SRPRA: variants seen among roughly 807,000 people sequenced by gnomAD.
SRPRA encodes the protein SRP receptor subunit alpha, also known as signal recognition particle receptor subunit alpha.
SRPRA carries 30 observed loss-of-function variants against 61.1 expected under a neutral mutation model. That is an observed-to-expected ratio of 0.49 (90% CI 0.37 to 0.67). The LOEUF is 0.67. Among genes scored for constraint, SRPRA ranks in the 30% least tolerant of loss-of-function variants. The pLI is 0.00. For missense variants in SRPRA, 759 were observed against 828.4 expected, an observed-to-expected ratio of 0.92 and a Z score of 1.03; for synonymous variants, 324 against 299.7, an observed-to-expected ratio of 1.08 and a Z score of -0.84.
At chr11:126,247,048 C>A in the SRPRA span, among the ~76,000 whole-genome samples, 88 of 152,310 alleles carry the variant, frequency 5.8e-4, no homozygotes, top group African/African-American at 2.0e-3. Flanking sequence ...GTCCCACCTA[C>A]ACAGGAGGCT....
At position 126,264,938 on chromosome 11, in the gene SRPRA, C is replaced by G; in HGVS notation, c.1525+21G>C. The G allele has an allele frequency of 6.2e-7, 1 of 1,604,210 alleles. No homozygotes were observed. Among genetic ancestry groups the G allele is most frequent in the Non-Finnish European group, 8.5e-7 (1 of 1,175,206 alleles). ...GAAAAAGGGACCCCAAATAAGCCCC[C>G]ACACTTCCCATGCACTGTACCAAAA... On this transcript the variant is annotated intron_variant, in intron 11 of 13. Coordinates refer to ENST00000332118, the MANE Select transcript of SRPRA (RefSeq NM_003139.4). The surrounding 1 kb of genome is among the most constrained non-coding windows in gnomAD (Gnocchi z 5.0).
At position 126,264,719 on chromosome 11, in the gene SRPRA, A is replaced by G. The variant is rs1419333322; in HGVS notation, c.1526-180T>C. The G allele has an allele frequency of 1.2e-5, 10 of 827,450 alleles. No individual in the cohort carries two copies. Among genetic ancestry groups the G allele is most frequent in the Non-Finnish European group, 1.8e-5 (10 of 544,446 alleles). The allele number at this position is 827,450 out of a possible 1,614,324, so 51.3% of individuals were successfully genotyped here. ...TGGCCATCACCAAACATATTCAGGA[A>G]AAGGAGGACAACAGGATGAAGGTGA... On this transcript the variant is annotated intron_variant, in intron 11 of 13. Coordinates refer to ENST00000332118, the MANE Select transcript of SRPRA (RefSeq NM_003139.4). This position sits in a 1 kb window ranked among gnomAD's most constrained non-coding sequence, Gnocchi z 5.0.
intron 1 of SRPRA, 38 bp from the exon 2 acceptor site, chr11:126,268,124 C>A: frequency 6.3e-7 from 1 of 1,596,242 alleles, no homozygotes; most frequent in Non-Finnish European, 8.6e-7. Context: ...AGACTATCCC[C>A]AGAAAACCCA....
At position 126,266,359 on chromosome 11, in the gene SRPRA, A is replaced by G; in HGVS notation, c.841-81T>C. 5 of 1,593,062 alleles carry G rather than the reference A, an allele frequency of 3.1e-6. 1 individual carries two copies. The South Asian group carries it at 5.5e-5, about 18-fold the overall frequency. On this transcript the variant is annotated intron_variant, in intron 6 of 13. Transcript: ENST00000332118. ...ACGTCCACATTGCTCTATCTCTTTCATTTTGGGAAGCTCCAAGTATAACTT... is the reference window on the plus strand; with the variant it reads ...ACGTCCACATTGCTCTATCTCTTTCGTTTTGGGAAGCTCCAAGTATAACTT...
chr11:126,259,987 T>A (rs1457790872), downstream of SRPRA, among the ~76,000 whole-genome samples: 3 of 152,198 alleles, frequency 2.0e-5, no homozygotes, highest in African/African-American at 7.2e-5. Flanking sequence ...CCCAAAGTGC[T>A]GGGATTACAG....
chr11:126,260,352 G>A (rs1565342549), downstream of SRPRA: 1 of 151,328 alleles, frequency 6.6e-6, no homozygotes, highest in Non-Finnish European at 1.5e-5. Flanking sequence ...TTCTGATGAA[G>A]TTTTCCCTGT....
At chr11:126,245,063 CCCAT>C in the SRPRA span, 5 of 152,312 alleles carry the variant, frequency 3.3e-5, no homozygotes, top group East Asian at 7.7e-4. Flanking sequence ...CACCTGTAGT[CCCAT>C]CTACTTGGGA....
the SRPRA span, among the ~76,000 whole-genome samples, chr11:126,246,553 C>G: frequency 6.6e-6 from 1 of 152,150 alleles, no homozygotes; most frequent in African/African-American, 2.4e-5. Context: ...ATAGTTGATG[C>G]ACTAGAAATG....
downstream of SRPRA, among the ~76,000 whole-genome samples, chr11:126,260,096 G>A (rs895979341): frequency 6.6e-6 from 1 of 151,798 alleles, no homozygotes; most frequent in Non-Finnish European, 1.5e-5. Flanking sequence ...CAATGGCACA[G>A]TCATGGCTCA....
Position 126,267,041 on chromosome 11 carries a change from G to C in SRPRA, c.527-119C>G. ...GGACCAAACATCTTGGAGTTCATAA[G>C]GCCTGGGGATTATAGGATGGTGACC... is the stretch of plus-strand genomic sequence containing the variant. On this transcript the variant is annotated intron_variant, in intron 4 of 13. Coordinates refer to ENST00000332118, the MANE Select transcript of SRPRA (RefSeq NM_003139.4). This position sits in a 1 kb window ranked among gnomAD's most constrained non-coding sequence, Gnocchi z 4.2. 6.6e-7 allele frequency: 1 copy of C among 1,524,748 alleles called. No homozygotes were observed. The highest frequency in any genetic ancestry group is 8.8e-7 in the Non-Finnish European group (1 of 1,132,152). 94.5% of individuals were successfully genotyped at this position (1,524,748 alleles called of 1,614,324 possible).
downstream of SRPRA, among the ~76,000 whole-genome samples, chr11:126,258,959 A>G (rs1372021912): frequency 6.6e-6 from 1 of 152,196 alleles, no homozygotes; most frequent in Non-Finnish European, 1.5e-5. Context: ...AAATTCTTTT[A>G]TTAGCTGTGT....
In SRPRA at chr11:126,266,104, A is replaced by G. The variant is rs758986474; in HGVS notation, c.933-23T>C. 2.5e-6 allele frequency: 4 copies of G among 1,613,148 alleles called. No individual in the cohort carries two copies. The African/African-American group carries it at 4.0e-5, about 16-fold the overall frequency. On this transcript the variant is annotated intron_variant, in intron 7 of 13. Coordinates refer to ENST00000332118, the MANE Select transcript of SRPRA (RefSeq NM_003139.4). ...GCACTGCAGGGACAGGAGATTACAC[A>G]TACACATAAAACCAGTAGGCAGGAG...
Position 126,267,309 on chromosome 11 carries a change from C to G in SRPRA, c.392G>C (p.Arg131Pro), listed in dbSNP as rs1286842449. 1 of 1,613,988 alleles carries G rather than the reference C, an allele frequency of 6.2e-7. No individual in the cohort carries two copies. Among genetic ancestry groups the G allele is most frequent in the Admixed American group, 1.7e-5 (1 of 59,992 alleles). Residue 131 changes from arginine (R) to proline (P), a missense_variant, in exon 4 of 14, where the codon CGT becomes CCT. Arg to Pro is a moderately radical substitution (Grantham distance 103). Transcript: ENST00000332118. The surrounding 1 kb of genome is among the most constrained non-coding windows in gnomAD (Gnocchi z 4.2). Reference protein sequence around the residue: ...LREAEESSKIRAPTTMKKFED... With the variant: ...LREAEESSKIPAPTTMKKFED... ...AAATTTCTTCATGGTAGTGGGAGCA[C>G]GGATCTTACTGCTCTCCTCTGCTTC...
chr11:126,265,394 C>T lies in SRPRA; in HGVS notation c.1185G>A (p.Gln395=), dbSNP rs1242598463. ...CTACACGACGCTGTGGCTGCAGAAT[C>T]TGCACCAGGGACTCCTGTAGGGCTT... ...VKQALQESLV[Q]ILQPQRRVDM... Residue 395 remains glutamine (Q), a synonymous_variant, in exon 10 of 14, where the codon CAG becomes CAA. Transcript: ENST00000332118. The surrounding 1 kb of genome is among the most constrained non-coding windows in gnomAD (Gnocchi z 6.3). The T allele has an allele frequency of 1.2e-6, 2 of 1,613,896 alleles. No homozygotes were observed. The highest frequency in any genetic ancestry group is 8.5e-7 in the Non-Finnish European group (1 of 1,180,036).
downstream of SRPRA, chr11:126,262,073 C>T (rs959270504): frequency 1.2e-6 from 2 of 1,609,190 alleles, no homozygotes; most frequent in East Asian, 2.2e-5. Flanking sequence ...AATGTATAAA[C>T]CTGTTTTGTG....
chr11:126,239,555 A>G, the SRPRA span, among the ~76,000 whole-genome samples: 2 of 152,124 alleles, frequency 1.3e-5, no homozygotes, highest in African/African-American at 2.4e-5. Flanking sequence ...ATCTTTCAAG[A>G]TCAGGGACTC....
Position 126,267,605 on chromosome 11 carries a change from A to G in SRPRA, c.309T>C (p.Ala103=). 1 of 1,614,174 alleles carries G rather than the reference A, an allele frequency of 6.2e-7. No individual in the cohort carries two copies. Among genetic ancestry groups the G allele is most frequent in the Non-Finnish European group, 8.5e-7 (1 of 1,180,048 alleles). ...CAAAAGTGCCATTTAATAAACTTAAAGCACTTTGCTGTTGGATCTCTGTGC... is the reference window on the plus strand; with the variant it reads ...CAAAAGTGCCATTTAATAAACTTAAGGCACTTTGCTGTTGGATCTCTGTGC... ...KYRTEIQQQS[A]LSLLNGTFDF... The change falls in exon 3 of 14, where the codon GCT becomes GCC. Residue 103 remains alanine (A), a synonymous_variant. Coordinates refer to ENST00000332118, the MANE Select transcript of SRPRA (RefSeq NM_003139.4). This position sits in a 1 kb window ranked among gnomAD's most constrained non-coding sequence, Gnocchi z 4.2.
Position 126,264,314 on chromosome 11 carries a change from G to T in SRPRA, c.1690-25C>A. ...CCTGGAAAGAAAAAGTGATAGAAGTGTAAGAACCATCTAAATTGACCAAAG... is the reference window on the plus strand; with the variant it reads ...CCTGGAAAGAAAAAGTGATAGAAGTTTAAGAACCATCTAAATTGACCAAAG... On this transcript the variant is annotated intron_variant, in intron 12 of 13. Transcript: ENST00000332118. The surrounding 1 kb of genome is among the most constrained non-coding windows in gnomAD (Gnocchi z 5.0). The T allele has an allele frequency of 2.5e-6, 4 of 1,613,594 alleles. No individual in the cohort carries two copies. The highest frequency in any genetic ancestry group is 2.2e-5 in the South Asian group (2 of 91,084).
At chr11:126,255,822 A>C in the SRPRA span, among the ~76,000 whole-genome samples, 1 of 151,576 alleles carries the variant, frequency 6.6e-6, no homozygotes, top group East Asian at 1.9e-4. This position sits in a 1 kb window ranked among gnomAD's most constrained non-coding sequence, Gnocchi z 4.6. Flanking sequence ...GCGTGCTGGC[A>C]GGTGCCTGTA....
Sources: allele counts gnomAD v4.1 joint callset (sites outside exome capture counted in the v4.1 genomes callset), GRCh38; gene constraint gnomAD v4.1.1; non-coding constraint Gnocchi (gnomAD v3.1); transcripts MANE v1.5; gene names NCBI Gene and HGNC (gene_info 2026-07-23, HGNC 2026-07-21).